ATG5: variants seen among roughly 807,000 people sequenced by gnomAD.
ATG5 encodes autophagy protein 5.
A neutral mutation model predicts 36.5 loss-of-function variants in ATG5; 14 were observed. The observed-to-expected ratio is 0.38, with a 90% CI of 0.25 to 0.60. The LOEUF is 0.60. Among genes scored for constraint, ATG5 ranks in the 20% least tolerant of loss-of-function variants. The probability of loss-of-function intolerance (pLI) is 0.60; values close to 1 mark genes in which losing one functional copy is unlikely to be tolerated. For synonymous variants in ATG5, 95 were observed against 101.5 expected (o/e 0.94, Z 0.38); for missense variants, 195 against 326.7 (o/e 0.60, Z 3.11).
intron 6 of ATG5, among the ~76,000 whole-genome samples, chr6:106,204,741 C>T (rs2114367639): frequency 6.6e-6 from 1 of 152,272 alleles, no homozygotes; most frequent in South Asian, 2.1e-4. Context: ...CCCTTTCTGC[C>T]ATGATTTTAA....
At chr6:106,288,095 C>A (rs1181601345) in intron 4 of ATG5, among the ~76,000 whole-genome samples, 1 of 151,740 alleles carries the variant, frequency 6.6e-6, no homozygotes. Flanking sequence ...CTCAGCCTCC[C>A]GAGAAGCTGA....
chr6:106,223,177 C>G (rs1185051924), intron 6 of ATG5, among the ~76,000 whole-genome samples: 1 of 152,124 alleles, frequency 6.6e-6, no homozygotes, highest in East Asian at 1.9e-4. Flanking sequence ...TAAAAAAGTT[C>G]TAATACATAA....
At chr6:106,310,780 T>C (rs1357379677) in intron 2 of ATG5, among the ~76,000 whole-genome samples, 1 of 152,208 alleles carries the variant, frequency 6.6e-6, no homozygotes, top group East Asian at 1.9e-4. Flanking sequence ...AGGTACCTTA[T>C]TTAAGTGGAA....
intron 6 of ATG5, among the ~76,000 whole-genome samples, chr6:106,231,855 G>A (rs896485022): frequency 2.6e-4 from 40 of 152,140 alleles, no homozygotes; most frequent in African/African-American, 8.2e-4. Flanking sequence ...AAAGGCCACC[G>A]CTTTAGTCAT....
At chr6:106,250,104 A>G (rs1348510546) in intron 5 of ATG5, among the ~76,000 whole-genome samples, 2 of 152,130 alleles carry the variant, frequency 1.3e-5, no homozygotes, top group Non-Finnish European at 2.9e-5. Flanking sequence ...AATATTTTAT[A>G]TTCAGAAATT....
chr6:106,265,914 C>A (rs188745597), intron 5 of ATG5, among the ~76,000 whole-genome samples: 9 of 152,114 alleles, frequency 5.9e-5, no homozygotes, highest in Non-Finnish European at 1.2e-4. Flanking sequence ...AAAATCGACA[C>A]CCTAACATCA....
Position 106,283,875 on chromosome 6 carries a change from C to A in ATG5, c.316-4052G>T, listed in dbSNP as rs752114314. On this transcript the variant is annotated intron_variant, in intron 4 of 7. Coordinates refer to ENST00000369076, the MANE Select transcript of ATG5 (RefSeq NM_004849.4). ...TGACTTGTGTTTTCATTGAATTTGT[C>A]CATCTGTCAAATTTATTGGCACAAA... 7.2e-5 allele frequency among the ~76,000 whole-genome samples: 11 copies of A among 152,094 alleles called. 1 individual carries two copies. The highest frequency in any genetic ancestry group is 1.0e-4 in the Non-Finnish European group (7 of 68,008).
intron 6 of ATG5, among the ~76,000 whole-genome samples, chr6:106,230,527 C>T (rs888948782): frequency 5.3e-5 from 8 of 152,032 alleles, no homozygotes; most frequent in Admixed American, 2.0e-4. Flanking sequence ...ATAACTAATC[C>T]GATAAGCAGA....
chr6:106,254,230 G>A (rs1246199324), intron 5 of ATG5, among the ~76,000 whole-genome samples: 1 of 152,026 alleles, frequency 6.6e-6, no homozygotes. Context: ...CATAATCCTA[G>A]GTAAGACAGT....
At chr6:106,290,969 T>TG (rs760416282) in intron 4 of ATG5, among the ~76,000 whole-genome samples, 5 of 152,240 alleles carry the variant, frequency 3.3e-5, no homozygotes, top group Non-Finnish European at 7.3e-5. Context: ...TACTATCACT[T>TG]GTTTTCCCTG....
intron 3 of ATG5, among the ~76,000 whole-genome samples, chr6:106,307,744 C>T (rs1200374746): frequency 6.6e-6 from 1 of 152,118 alleles, no homozygotes; most frequent in Non-Finnish European, 1.5e-5. Flanking sequence ...CCATGTTGGT[C>T]AGGCTGGTCT....
intron 4 of ATG5, among the ~76,000 whole-genome samples, chr6:106,289,396 T>C (rs1582658719): frequency 6.7e-6 from 1 of 149,600 alleles, no homozygotes; most frequent in Non-Finnish European, 1.5e-5. Context: ...GAACTTAGTA[T>C]ATACAGAAAA....
chr6:106,269,675 G>C (rs1207720423), intron 5 of ATG5, among the ~76,000 whole-genome samples: 3 of 152,196 alleles, frequency 2.0e-5, no homozygotes, highest in Admixed American at 1.3e-4. Flanking sequence ...GCCCGGGGCC[G>C]GCAGGGCCGG....
At chr6:106,276,464 C>CAAAAAAA (rs35078793) in intron 5 of ATG5, among the ~76,000 whole-genome samples, 1 of 109,420 alleles carries the variant, frequency 9.1e-6, no homozygotes, top group Admixed American at 9.0e-5. Flanking sequence ...ACTCTGTCTC[C>CAAAAAAA]AAAAAAAAAA....
chr6:106,212,973 G>T (rs879448663), intron 6 of ATG5, among the ~76,000 whole-genome samples: 11 of 152,010 alleles, frequency 7.2e-5, no homozygotes, highest in Non-Finnish European at 1.6e-4. Context: ...AAAGAATATT[G>T]TTTTTATTTC....
intron 5 of ATG5, among the ~76,000 whole-genome samples, chr6:106,253,724 C>T (rs746256285): frequency 6.6e-6 from 1 of 152,026 alleles, no homozygotes; most frequent in Admixed American, 6.6e-5. Flanking sequence ...AAATCATCAA[C>T]GAGTAAATTT....
At chr6:106,247,893 C>A (rs1237548277) in intron 6 of ATG5, among the ~76,000 whole-genome samples, 2 of 152,174 alleles carry the variant, frequency 1.3e-5, no homozygotes, top group African/African-American at 4.8e-5. Context: ...CAAGTACTGA[C>A]TTTGGGGTTA....
chr6:106,186,816 A>G, intron 7 of ATG5, 140 bp from the exon 8 acceptor site: 1 of 981,538 alleles, frequency 1.0e-6, no homozygotes, highest in Non-Finnish European at 1.5e-6. Flanking sequence ...GTGGACATGG[A>G]GAAAGTTCAA....
At chr6:106,269,741 G>A (rs1218354516) in intron 5 of ATG5, among the ~76,000 whole-genome samples, 1 of 152,228 alleles carries the variant, frequency 6.6e-6, no homozygotes, top group Non-Finnish European at 1.5e-5. Flanking sequence ...AACTCCAGCT[G>A]GCCCGCAAGC....
Sources: allele counts gnomAD v4.1 joint callset (sites outside exome capture counted in the v4.1 genomes callset), GRCh38; gene constraint gnomAD v4.1.1; transcripts MANE v1.5; gene names NCBI Gene and HGNC (gene_info 2026-07-23, HGNC 2026-07-21).